Variants in BBIP1 observed in about 807,000 individuals in gnomAD.
The protein encoded by BBIP1 is BBSome-interacting protein 1.
Under a neutral mutation model 8.9 loss-of-function variants are expected in BBIP1, and 6 were observed. The ratio of observed to expected loss-of-function variants is 0.67; its 90% CI spans 0.37 to 1.33. The LOEUF (loss-of-function observed/expected upper bound fraction) is 1.33, where lower values mean the gene tolerates loss of function less well. Among genes scored for constraint, BBIP1 ranks in the 40% most tolerant of loss-of-function variants. The pLI, the probability that BBIP1 is intolerant of heterozygous loss-of-function variation, is 0.02. For synonymous variants in BBIP1, 32 were observed against 33.4 expected (o/e 0.96, Z 0.14); for missense variants, 111 against 109.2 (o/e 1.02, Z -0.07).
At chr10:110,907,607 T>C (rs1007112104) in intron 2 of BBIP1, 1 of 530,112 alleles carries the variant, frequency 1.9e-6, no homozygotes, top group Admixed American at 3.6e-5. Context: ...CACAGGTCCA[T>C]TTTCTCAGGG....
chr10:110,898,880 A>G lies in BBIP1; in HGVS notation c.*1480T>C, dbSNP rs1391686042. The G allele has an allele frequency of 6.6e-6, 1 of 152,496 alleles. No homozygotes were observed. The highest frequency in any genetic ancestry group is 1.9e-4 in the East Asian group (1 of 5,200). The allele number at this position is 152,496 out of a possible 1,614,324, so 9.4% of individuals were successfully genotyped here. A position where few individuals can be genotyped will look rare whatever the true frequency, so the allele number is the denominator to read the frequency against. ...CCCTTGAAAACTTTTTTTCCCTACA[A>G]AATTTTAAGTGAAAAATACAATAGT... On this transcript the variant is annotated 3_prime_UTR_variant, in exon 4 of 4. Transcript: ENST00000448814.
intron 3 of BBIP1, chr10:110,901,138 C>T (rs1202419068): frequency 6.6e-6 from 3 of 455,108 alleles, no homozygotes; most frequent in South Asian, 3.1e-5. Flanking sequence ...AAAATAAGAA[C>T]AAATTAGCCA....
intron 3 of BBIP1, chr10:110,900,804 T>C: frequency 3.1e-6 from 1 of 326,434 alleles, no homozygotes; most frequent in Non-Finnish European, 5.6e-6. Flanking sequence ...AGTTTAATCT[T>C]AAAATAAGAT....
intron 2 of BBIP1, 118 bp from the exon 3 acceptor site, chr10:110,901,730 C>T: frequency 1.4e-6 from 1 of 730,846 alleles, no homozygotes; most frequent in Non-Finnish European, 2.3e-6. Flanking sequence ...ACTACCCTAA[C>T]CTTGTATAAT....
At chr10:110,917,504 ATTAT>A (rs1291885152) in intron 2 of BBIP1, among the ~76,000 whole-genome samples, 3 of 152,206 alleles carry the variant, frequency 2.0e-5, no homozygotes, top group African/African-American at 7.2e-5. Context: ...TATTCATTAA[ATTAT>A]TTCTTTCAGC....
chr10:110,918,038 C>A, intron 2 of BBIP1, 83 bp downstream of exon 2: 1 of 1,254,970 alleles, frequency 8.0e-7, no homozygotes, highest in South Asian at 1.3e-5. Flanking sequence ...CGTGTAAGTA[C>A]TAAGGAAGCA....
chr10:110,917,230 AAGG>A (rs1279266912), intron 2 of BBIP1, among the ~76,000 whole-genome samples: 14 of 111,100 alleles, frequency 1.3e-4, no homozygotes, highest in African/African-American at 4.7e-4. Context: ...CAGGATTGGG[AAGG>A]AGAAGGTATA....
intron 2 of BBIP1, among the ~76,000 whole-genome samples, chr10:110,916,046 G>A (rs1254641338): frequency 6.6e-6 from 1 of 152,162 alleles, no homozygotes; most frequent in African/African-American, 2.4e-5. Context: ...GGCTGTCCAA[G>A]GTCATCCAGT....
At chr10:110,903,059 T>A (rs1449391861) in intron 2 of BBIP1, 1 of 152,166 alleles carries the variant, frequency 6.6e-6, no homozygotes. Flanking sequence ...ATGATCACAT[T>A]TCTTTATTTG....
At chr10:110,900,613 AAATT>A (rs1228255873) in intron 3 of BBIP1, 87 bp from the exon 4 acceptor site, 1 of 1,110,372 alleles carries the variant, frequency 9.0e-7, no homozygotes, top group Non-Finnish European at 1.2e-6. Flanking sequence ...AAGGTCTAAA[AAATT>A]AATCTCTTGT....
intron 2 of BBIP1, chr10:110,911,677 C>CT (rs1298490832): frequency 6.6e-6 from 1 of 151,828 alleles, no homozygotes; most frequent in African/African-American, 2.4e-5. Flanking sequence ...ATTTAACAGA[C>CT]TAAAACAAGG....
chr10:110,914,440 C>G (rs1846348775), intron 2 of BBIP1, among the ~76,000 whole-genome samples: 1 of 151,760 alleles, frequency 6.6e-6, no homozygotes, highest in African/African-American at 2.4e-5. Flanking sequence ...TACTAGATTT[C>G]TGAATGTAAA....
chr10:110,908,441 C>G (rs1846195728), intron 2 of BBIP1, among the ~76,000 whole-genome samples: 1 of 152,066 alleles, frequency 6.6e-6, no homozygotes, highest in Admixed American at 6.5e-5. Context: ...ACATCCATTA[C>G]TAAGAAAGGG....
At chr10:110,904,830 A>G (rs1025554916) in intron 2 of BBIP1, 6 of 152,264 alleles carry the variant, frequency 3.9e-5, no homozygotes, top group Non-Finnish European at 8.8e-5. Flanking sequence ...ACTATGCCAA[A>G]TTAAAAAATG....
intron 2 of BBIP1, among the ~76,000 whole-genome samples, chr10:110,912,737 A>G (rs1487388914): frequency 6.6e-6 from 1 of 152,086 alleles, no homozygotes; most frequent in East Asian, 1.9e-4. Context: ...TCCTTAATCT[A>G]GTATTTGATC....
At chr10:110,907,998 G>A in intron 2 of BBIP1, 1 of 500,898 alleles carries the variant, frequency 2.0e-6, no homozygotes. Context: ...CATGGGACCA[G>A]TATTGCCTAG....
At chr10:110,907,655 G>T in intron 2 of BBIP1, 2 of 643,020 alleles carry the variant, frequency 3.1e-6, no homozygotes, top group Non-Finnish European at 2.8e-6. Context: ...AAAAGTTTAG[G>T]ATCTGAAAAG....
intron 2 of BBIP1, chr10:110,904,864 TAA>T (rs1417159103): frequency 6.6e-6 from 1 of 152,214 alleles, no homozygotes; most frequent in Non-Finnish European, 1.5e-5. Flanking sequence ...AGGCATACCT[TAA>T]GAGAAAACAT....
chr10:110,913,978 C>A (rs2134044089), intron 2 of BBIP1, among the ~76,000 whole-genome samples: 1 of 152,320 alleles, frequency 6.6e-6, no homozygotes, highest in Admixed American at 6.5e-5. Flanking sequence ...GTCAAGCCCA[C>A]ATTTCAACAT....
Sources: allele counts gnomAD v4.1 joint callset (sites outside exome capture counted in the v4.1 genomes callset), GRCh38; gene constraint gnomAD v4.1.1; transcripts MANE v1.5; gene names NCBI Gene and HGNC (gene_info 2026-07-23, HGNC 2026-07-21).